The following MYO7A variants were observed in gnomAD, a reference collection of about 807,000 sequenced individuals.
The protein encoded by MYO7A is unconventional myosin-VIIa.
In MYO7A, 210 loss-of-function variants were observed where a neutral mutation model predicts 263.8. That is an observed-to-expected ratio of 0.80 (90% confidence interval 0.71 to 0.89). MYO7A has a LOEUF of 0.89. Among genes scored for constraint, MYO7A ranks in the 40% least tolerant of loss-of-function variants. MYO7A has a pLI of 0.00. For synonymous variants in MYO7A, 1,239 were observed against 1,197.3 expected, an observed-to-expected ratio of 1.03 and a Z score of -0.72; for missense variants, 2,820 against 2,968.3, an observed-to-expected ratio of 0.95 and a Z score of 1.16.
chr11:77,177,724 C>A, intron 19 of MYO7A, 81 bp downstream of exon 19: 3 of 1,165,216 alleles, frequency 2.6e-6, no homozygotes, highest in Non-Finnish European at 1.2e-6. Flanking sequence ...CTGCTCTGCC[C>A]GCATGAACAC....
intron 8 of MYO7A, 66 bp from the exon 9 acceptor site, chr11:77,158,211 A>G (rs1315140759): frequency 2.0e-6 from 3 of 1,469,258 alleles, no homozygotes; most frequent in Non-Finnish European, 2.7e-6. Flanking sequence ...GCAGGCAGCC[A>G]GGCACTGCCC....
rs2135476378 is a variant in MYO7A, at chr11:77,180,227, A to G, written c.2587-147A>G. On this transcript the variant is annotated intron_variant, in intron 21 of 48. Transcript: ENST00000409709. ...AGTGGTGCCTCCAGCCCGCTGGGTG[A>G]CCTAGAGAATTTCTTGATTACCTCA... is the stretch of plus-strand genomic sequence containing the variant. The G allele has an allele frequency of 4.0e-6, 3 of 741,172 alleles. No individual in the cohort carries two copies. The East Asian group carries it at 8.1e-5, about 20-fold the overall frequency. The allele number at this position is 741,172 out of a possible 1,614,324, so 45.9% of individuals were successfully genotyped here.
chr11:77,191,450 C>T (rs1956060294), intron 30 of MYO7A, among the ~76,000 whole-genome samples: 2 of 152,232 alleles, frequency 1.3e-5, no homozygotes, highest in Non-Finnish European at 2.9e-5. Flanking sequence ...AAGAGCATGG[C>T]ACAGGCTGAT....
At position 77,214,771 on chromosome 11, in the gene MYO7A, C is replaced by T. The variant is rs1958052155; in HGVS notation, c.*75C>T. ...GGTTCAGGCCCATCAGCTACCCCTG[C>T]AGCTGGGGAAGACTTATGCCATCCC... On this transcript the variant is annotated 3_prime_UTR_variant, in exon 49 of 49. Coordinates refer to ENST00000409709, the MANE Select transcript of MYO7A (RefSeq NM_000260.4). 1.6e-6 allele frequency: 2 copies of T among 1,240,532 alleles called. No homozygotes were observed. The highest frequency in any genetic ancestry group is 2.3e-6 in the Non-Finnish European group (2 of 874,772). 76.8% of individuals were successfully genotyped at this position (1,240,532 alleles called of 1,614,324 possible). A position where few individuals can be genotyped will look rare whatever the true frequency, so the allele number is the denominator to read the frequency against.
chr11:77,138,069 C>T lies in MYO7A; in HGVS notation c.19-4640C>T, dbSNP rs928402728. On this transcript the variant is annotated intron_variant, in intron 2 of 48. Coordinates refer to ENST00000409709, the MANE Select transcript of MYO7A (RefSeq NM_000260.4). The surrounding 1 kb of genome is among the most constrained non-coding windows in gnomAD (Gnocchi z 4.9). ...CACGTTTATCCCGGGCCTACCGCCG[C>T]GGTGCCAGTGAAGCCGCCTGGGATT... is the stretch of plus-strand genomic sequence containing the variant. Among the ~76,000 whole-genome samples, 1 of 152,258 alleles carries T rather than the reference C, an allele frequency of 6.6e-6. No homozygotes were observed. Among genetic ancestry groups the T allele is most frequent in the East Asian group, 1.9e-4 (1 of 5,166 alleles).
intron 18 of MYO7A, among the ~76,000 whole-genome samples, chr11:77,176,238 C>G (rs1555080041): frequency 6.6e-6 from 1 of 152,204 alleles, no homozygotes; most frequent in African/African-American, 2.4e-5. Flanking sequence ...TCTAATTCCT[C>G]TCCAGCCAAG....
chr11:77,168,930 G>A (rs1446081746), intron 15 of MYO7A, among the ~76,000 whole-genome samples: 1 of 152,188 alleles, frequency 6.6e-6, no homozygotes, highest in Non-Finnish European at 1.5e-5. Context: ...ATATACAAGC[G>A]AGGGCTAAAG....
intron 4 of MYO7A, 113 bp downstream of exon 4, chr11:77,148,063 C>T (rs1227735556): frequency 9.8e-7 from 1 of 1,019,366 alleles, no homozygotes; most frequent in Non-Finnish European, 1.4e-6. Flanking sequence ...GCCCTGCCTC[C>T]TGAGACTTTG....
chr11:77,213,523 A>G (rs942244550), intron 47 of MYO7A, among the ~76,000 whole-genome samples: 3 of 151,946 alleles, frequency 2.0e-5, no homozygotes, highest in African/African-American at 7.3e-5. Flanking sequence ...GCTCCTGTAC[A>G]CCGTGTTTCC....
chr11:77,199,743 C>A lies in MYO7A; in HGVS notation c.4777C>A (p.Leu1593Met). Residue 1593 changes from leucine (L) to methionine (M), a missense_variant, in exon 35 of 49, where the codon CTG (leucine) becomes ATG (methionine). Coordinates refer to ENST00000409709, the MANE Select transcript of MYO7A (RefSeq NM_000260.4). ...TSSNAEDIRD[L>M]VVTFLEGLRK... ...CAGCAATGCTGAGGACATTCGTGAC[C>A]TGGTGGTCACCTTCCTAGAGGGGCT... 30 of 1,613,422 alleles carry A rather than the reference C, an allele frequency of 1.9e-5. No homozygotes were observed. The highest frequency in any genetic ancestry group is 2.5e-5 in the Non-Finnish European group (29 of 1,179,600).
rs200313391 is a variant in MYO7A, at chr11:77,211,314, G to A, written c.6214G>A (p.Val2072Ile). 3.3e-4 allele frequency: 522 copies of A among 1,583,600 alleles called. 2 individuals carry two copies. The African/African-American group carries it at 6.4e-3, about 19-fold the overall frequency. The stretch of plus-strand genomic sequence containing the variant: ...GGTGCCCCAGGACCTTATCCGGCAG[G>A]TCTCACCTGATGACTGGAAGCGGGT... ...ELVPQDLIRQ[V>I]SPDDWKRSIV... Residue 2072 changes from valine to isoleucine, a missense_variant, in exon 45 of 49, where the codon GTC (valine) becomes ATC (isoleucine). Val to Ile is a conservative substitution (Grantham distance 29). Transcript: ENST00000409709.
chr11:77,192,339 T>G, intron 31 of MYO7A, 61 bp downstream of exon 31: 1 of 1,518,940 alleles, frequency 6.6e-7, no homozygotes, highest in East Asian at 2.3e-5. Flanking sequence ...CTTTCCACGT[T>G]TGGGCTGAGT....
At chr11:77,135,493 C>T (rs1950880638) in intron 2 of MYO7A, among the ~76,000 whole-genome samples, 1 of 152,298 alleles carries the variant, frequency 6.6e-6, no homozygotes, top group East Asian at 1.9e-4. Flanking sequence ...TGGGTTGCTT[C>T]CATGTTTTAG....
intron 20 of MYO7A, among the ~76,000 whole-genome samples, chr11:77,179,358 G>C (rs570638531): frequency 6.6e-6 from 1 of 152,362 alleles, no homozygotes; most frequent in Admixed American, 6.5e-5. Flanking sequence ...GAGTGTTTTT[G>C]GGGGTTGGGA....
At chr11:77,181,895 C>G in intron 23 of MYO7A, 56 bp from the exon 24 acceptor site, 1 of 1,537,798 alleles carries the variant, frequency 6.5e-7, no homozygotes, top group Non-Finnish European at 8.9e-7. Flanking sequence ...GGCGATCCTC[C>G]CACCTGAGCT....
chr11:77,143,916 C>T (rs1172220266), intron 3 of MYO7A, among the ~76,000 whole-genome samples: 2 of 152,110 alleles, frequency 1.3e-5, no homozygotes, highest in Admixed American at 6.6e-5. Context: ...TTCCTGCAGC[C>T]CTCAGGTGCA....
At chr11:77,177,667 C>G in intron 19 of MYO7A, 24 bp downstream of exon 19, 1 of 1,567,622 alleles carries the variant, frequency 6.4e-7, no homozygotes, top group Non-Finnish European at 8.7e-7. Context: ...CCAGCTCCTC[C>G]CCTCCTCAGC....
intron 32 of MYO7A, among the ~76,000 whole-genome samples, chr11:77,195,401 C>T (rs1281706230): frequency 1.3e-5 from 2 of 152,296 alleles, no homozygotes; most frequent in South Asian, 2.1e-4. Context: ...TCAGGCACCT[C>T]CTCTCCCTTG....
Position 77,179,794 on chromosome 11 carries a change from G to T in MYO7A, c.2427G>T (p.Gln809His), listed in dbSNP as rs782650544. 70 of 1,549,958 alleles carry T rather than the reference G, an allele frequency of 4.5e-5. No homozygotes were observed. In the African/African-American group the frequency reaches 9.1e-4, roughly 20 times the overall value. The change falls in exon 21 of 49, where the codon CAG becomes CAT. Residue 809 changes from glutamine to histidine, a missense_variant. Transcript: ENST00000409709. ...ALHRSRKLHQ[Q>H]YRLARQRIIQ... Reference sequence around the variant, plus strand: ...ACCGCTCCCGGAAGCTGCACCAGCAGTACCGCCTGGCCCGCCAGCGCATCA... The same window carrying T: ...ACCGCTCCCGGAAGCTGCACCAGCATTACCGCCTGGCCCGCCAGCGCATCA...
Sources: allele counts gnomAD v4.1 joint callset (sites outside exome capture counted in the v4.1 genomes callset), GRCh38; gene constraint gnomAD v4.1.1; non-coding constraint Gnocchi (gnomAD v3.1); transcripts MANE v1.5; gene names NCBI Gene and HGNC (gene_info 2026-07-23, HGNC 2026-07-21).